The following FLT3 variants were observed in gnomAD, a reference collection of about 807,000 sequenced individuals.
FLT3 encodes the protein fms related receptor tyrosine kinase 3, also known as receptor-type tyrosine-protein kinase FLT3.
FLT3 carries 46 observed loss-of-function variants against 126.6 expected under a neutral mutation model. The ratio of observed to expected loss-of-function variants is 0.36; its 90% CI spans 0.29 to 0.46. FLT3 has a LOEUF of 0.46. Ranked by LOEUF, FLT3 falls within the 20% of genes least tolerant of loss-of-function variation. FLT3 has a pLI of 1.00. For missense variants in FLT3, 1,069 were observed against 1,190.3 expected (o/e 0.90, Z 1.50); for synonymous variants, 404 against 434.4 (o/e 0.93, Z 0.87).
chr13:28,020,400 G>A (rs540558240), intron 19 of FLT3, among the ~76,000 whole-genome samples: 2 of 152,194 alleles, frequency 1.3e-5, no homozygotes, highest in South Asian at 4.2e-4. Flanking sequence ...CCAGGCTGGA[G>A]TGCAGCGGTA....
At chr13:28,090,189 C>T (rs1878943803) in intron 1 of FLT3, among the ~76,000 whole-genome samples, 1 of 151,658 alleles carries the variant, frequency 6.6e-6, no homozygotes, top group African/African-American at 2.4e-5. Flanking sequence ...TACAGGCGTG[C>T]ATCACCATGC....
Position 28,004,135 on chromosome 13 carries a change from G to C in FLT3, c.2899C>G (p.His967Asp). The change falls in exon 24 of 24, where the codon CAC becomes GAC. Residue 967 changes from histidine (H) to aspartate (D), a missense_variant. His to Asp is a moderately conservative substitution (Grantham distance 81). Coordinates refer to ENST00000241453, the MANE Select transcript of FLT3 (RefSeq NM_004119.3). The stretch of plus-strand genomic sequence containing the variant: ...AAAGGTCGCCTGTTTTGGTAGGTGT[G>C]AGGACATTCCGAAACACGGCCATCC... ...NVDGRVSECP[H>D]TYQNRRPFSR... 6.2e-7 allele frequency: 1 copy of C among 1,614,076 alleles called. No homozygotes were observed. The highest frequency in any genetic ancestry group is 8.5e-7 in the Non-Finnish European group (1 of 1,179,996).
At chr13:28,056,813 T>G (rs1322994425) in intron 4 of FLT3, among the ~76,000 whole-genome samples, 1 of 152,228 alleles carries the variant, frequency 6.6e-6, no homozygotes, top group Non-Finnish European at 1.5e-5. Flanking sequence ...CTTAGCCACC[T>G]TTCAAGTGTT....
chr13:28,033,949 G>T lies in FLT3; in HGVS notation c.1880C>A (p.Ala627Glu), dbSNP rs1873590558. Residue 627 changes from alanine (A) to glutamate (E), a missense_variant, in exon 15 of 24, where the codon GCA becomes GAA. Transcript: ENST00000241453. ...GSGAFGKVMNATAYGISKTGV... is the reference protein window; with the variant it reads ...GSGAFGKVMNETAYGISKTGV... The stretch of plus-strand genomic sequence containing the variant: ...TGTTTTGCTAATTCCATAAGCTGTT[G>T]CGTTCATCACTTTTCCAAAAGCACC... 3.7e-6 allele frequency: 6 copies of T among 1,614,160 alleles called. No individual in the cohort carries two copies. The highest frequency in any genetic ancestry group is 5.1e-6 in the Non-Finnish European group (6 of 1,180,028).
chr13:28,029,602 G>A (rs1055598676), intron 15 of FLT3, among the ~76,000 whole-genome samples: 4 of 152,114 alleles, frequency 2.6e-5, no homozygotes, highest in African/African-American at 9.7e-5. Context: ...TTGTTTGTTT[G>A]AACTCTTGGA....
intron 19 of FLT3, 33 bp downstream of exon 19, chr13:28,023,317 T>C: frequency 6.3e-7 from 1 of 1,585,516 alleles, no homozygotes; most frequent in East Asian, 2.2e-5. Flanking sequence ...CAAATCTTTT[T>C]TTTGGTTTGT....
At chr13:28,047,159 A>C (rs1437019109) in intron 9 of FLT3, among the ~76,000 whole-genome samples, 1 of 152,198 alleles carries the variant, frequency 6.6e-6, no homozygotes, top group East Asian at 1.9e-4. Flanking sequence ...AATGGGAGCC[A>C]GGAATCCACA....
At position 28,100,432 on chromosome 13, in the gene FLT3, C is replaced by A; in HGVS notation, c.43+36G>T. On this transcript the variant is annotated intron_variant, in intron 1 of 23. Coordinates refer to ENST00000241453, the MANE Select transcript of FLT3 (RefSeq NM_004119.3). The surrounding 1 kb of genome is among the most constrained non-coding windows in gnomAD (Gnocchi z 4.8). ...ACACTGCGGGGTGGGGGCTGAGGGA[C>A]CGCGAGGGGCTGCGAGCGAGCGAGC... 8.2e-7 allele frequency: 1 copy of A among 1,213,588 alleles called. No individual in the cohort carries two copies. Among genetic ancestry groups the A allele is most frequent in the South Asian group, 4.1e-5 (1 of 24,148 alleles). 75.2% of individuals were successfully genotyped at this position (1,213,588 alleles called of 1,614,324 possible). A position where few individuals can be genotyped will look rare whatever the true frequency, so the allele number is the denominator to read the frequency against.
chr13:28,085,185 A>T (rs903774011), intron 1 of FLT3, among the ~76,000 whole-genome samples: 4 of 150,820 alleles, frequency 2.7e-5, no homozygotes, highest in African/African-American at 9.8e-5. Context: ...TCTACTAAAA[A>T]TACAAAAAAT....
At chr13:28,040,196 G>A (rs926615623) in intron 9 of FLT3, among the ~76,000 whole-genome samples, 5 of 152,176 alleles carry the variant, frequency 3.3e-5, no homozygotes, top group Non-Finnish European at 7.3e-5. Context: ...ACAATTTGGT[G>A]GTGAAGGTAG....
Position 28,024,910 on chromosome 13 carries a change from C to G in FLT3, c.2241G>C (p.Pro747=), listed in dbSNP as rs771353499. Residue 747 remains proline, a synonymous_variant, in exon 18 of 24, where the codon CCG becomes CCC. Transcript: ENST00000241453. ...MPGSREVQIH[P]DSDQISGLHG... is the part of the protein sequence containing the mutation. The stretch of plus-strand genomic sequence containing the variant: ...GAAGCCCTGAGATTTGATCCGAGTC[C>G]GGGTGTATCTGAACTTCTCTTGAAC... 3 of 1,611,786 alleles carry G rather than the reference C, an allele frequency of 1.9e-6. No homozygotes were observed. The African/African-American group carries it at 4.0e-5, about 22-fold the overall frequency.
At chr13:28,068,498 C>T (rs561727908) in intron 2 of FLT3, among the ~76,000 whole-genome samples, 2 of 149,070 alleles carry the variant, frequency 1.3e-5, no homozygotes, top group South Asian at 2.1e-4. Flanking sequence ...TGGCAAAACC[C>T]GTCTCTACAA....
In FLT3 at chr13:28,027,074, A is replaced by C; in HGVS notation, c.2207+14T>G. On this transcript the variant is annotated intron_variant, in intron 17 of 23. Transcript: ENST00000241453. ...TATGATGTGTAATTACGAAACCCTG[A>C]CCCAGCCTCTTACCTGGAATTTGGA... The C allele has an allele frequency of 1.2e-6, 2 of 1,611,576 alleles. No individual in the cohort carries two copies. The highest frequency in any genetic ancestry group is 2.2e-5 in the South Asian group (2 of 90,692).
chr13:28,067,259 G>A (rs1566094513), intron 2 of FLT3, among the ~76,000 whole-genome samples: 1 of 152,192 alleles, frequency 6.6e-6, no homozygotes, highest in Non-Finnish European at 1.5e-5. Flanking sequence ...CCAACCTCAG[G>A]TGATCCACCT....
Position 28,049,660 on chromosome 13 carries a change from T to G in FLT3, c.857A>C (p.Glu286Ala). Residue 286 changes from glutamate (E) to alanine (A), a missense_variant, in exon 7 of 24, where the codon GAA becomes GCA. Physicochemically the swap from Glu to Ala is moderately radical, Grantham distance 107. Coordinates refer to ENST00000241453, the MANE Select transcript of FLT3 (RefSeq NM_004119.3). ...CTCCTCGAGTGCTTTGTTTTCTAAT[T>G]CCCAGGTGAGCCCGAATCCATGGTT... ...HVNHGFGLTW[E>A]LENKALEEGN... is the part of the protein sequence containing the mutation. 6.2e-7 allele frequency: 1 copy of G among 1,614,166 alleles called. No homozygotes were observed.
At chr13:28,073,086 A>T (rs1262824513) in intron 1 of FLT3, among the ~76,000 whole-genome samples, 1 of 152,072 alleles carries the variant, frequency 6.6e-6, no homozygotes, top group Non-Finnish European at 1.5e-5. Flanking sequence ...CATGTCTGTA[A>T]TCCCAGCACT....
rs1245416633 is a variant in FLT3, at chr13:28,050,190, T to A, written c.647A>T (p.Lys216Met). 3 of 1,613,746 alleles carry A rather than the reference T, an allele frequency of 1.9e-6. No individual in the cohort carries two copies. The highest frequency in any genetic ancestry group is 2.7e-5 in the African/African-American group (2 of 74,936). ...TAATTCATGAAGCACTTTTTCCTCC[T>A]TTTTAACAACAGCTGGACTTTCTTC... The part of the protein sequence containing the change: ...CKEESPAVVK[K>M]EEKVLHELFG... The change falls in exon 6 of 24, where the codon AAG becomes ATG. Residue 216 changes from lysine to methionine, a missense_variant. Transcript: ENST00000241453.
intron 1 of FLT3, among the ~76,000 whole-genome samples, chr13:28,091,271 G>A (rs1378990104): frequency 8.0e-6 from 1 of 125,296 alleles, no homozygotes; most frequent in Non-Finnish European, 1.6e-5. Flanking sequence ...GCCCAGGCTG[G>A]AGTGCAGTGG....
At chr13:28,010,725 G>A (rs1871278544) in intron 23 of FLT3, among the ~76,000 whole-genome samples, 1 of 152,158 alleles carries the variant, frequency 6.6e-6, no homozygotes, top group Non-Finnish European at 1.5e-5. Context: ...CAAAGATTCT[G>A]GCCGGGCATG....
Sources: allele counts gnomAD v4.1 joint callset (sites outside exome capture counted in the v4.1 genomes callset), GRCh38; gene constraint gnomAD v4.1.1; non-coding constraint Gnocchi (gnomAD v3.1); transcripts MANE v1.5; gene names NCBI Gene and HGNC (gene_info 2026-07-23, HGNC 2026-07-21).